Variants in MAPK8IP3 observed in about 807,000 individuals in gnomAD.
MAPK8IP3 encodes mitogen-activated protein kinase 8 interacting protein 3, also known as C-Jun-amino-terminal kinase-interacting protein 3.
MAPK8IP3 carries 49 observed loss-of-function variants against 157.8 expected under a neutral mutation model. That is an observed-to-expected ratio of 0.31 (90% CI 0.25 to 0.39). The LOEUF is 0.39. Ranked by LOEUF, MAPK8IP3 falls within the 10% of genes least tolerant of loss-of-function variation. The pLI is 1.00. For synonymous variants in MAPK8IP3, 897 were observed against 777.7 expected, an observed-to-expected ratio of 1.15 and a Z score of -2.55; for missense variants, 1,478 against 1,889.4, an observed-to-expected ratio of 0.78 and a Z score of 4.04.
Position 1,743,618 on chromosome 16 carries a change from A to T in MAPK8IP3, c.747+142A>T, listed in dbSNP as rs1596688128. 6 of 1,449,278 alleles carry T rather than the reference A, an allele frequency of 4.1e-6. No individual in the cohort carries two copies. Among genetic ancestry groups the T allele is most frequent in the Non-Finnish European group, 4.5e-6 (5 of 1,108,786 alleles). The allele number at this position is 1,449,278 out of a possible 1,614,324, so 89.8% of individuals were successfully genotyped here. ...TCTCCCTTCGTGTGTGGCAGGATGG[A>T]GAAACCCAGCCAGGGTGTCAGGGGC... On this transcript the variant is annotated intron_variant, in intron 5 of 31. Coordinates refer to ENST00000610761, the MANE Select transcript of MAPK8IP3 (RefSeq NM_001318852.2). The surrounding 1 kb of genome is among the most constrained non-coding windows in gnomAD (Gnocchi z 5.6).
rs1343121634 is a variant in MAPK8IP3 at position 1,743,232 on chromosome 16, C to T, written c.603-100C>T. 7.0e-6 allele frequency: 10 copies of T among 1,431,920 alleles called. No individual in the cohort carries two copies. The highest frequency in any genetic ancestry group is 2.8e-5 in the East Asian group (1 of 35,968). The allele number at this position is 1,431,920 out of a possible 1,614,324, so 88.7% of individuals were successfully genotyped here. A position where few individuals can be genotyped will look rare whatever the true frequency, so the allele number is the denominator to read the frequency against. On this transcript the variant is annotated intron_variant, in intron 4 of 31. Transcript: ENST00000610761. This position sits in a 1 kb window ranked among gnomAD's most constrained non-coding sequence, Gnocchi z 5.6. ...AGCTGGGCTGCTGGCTGGCATGGAG[C>T]GGCCCCATCACTCGAGGTCTGCTTG...
At chr16:1,730,839 T>A (rs2039266413) in intron 4 of MAPK8IP3, among the ~76,000 whole-genome samples, 7 of 71,638 alleles carry the variant, frequency 9.8e-5, no homozygotes, top group African/African-American at 2.4e-4. Context: ...TGAGACTCTG[T>A]CAAAAAAAAA....
chr16:1,715,524 G>C (rs2038089688), intron 1 of MAPK8IP3, among the ~76,000 whole-genome samples: 1 of 152,270 alleles, frequency 6.6e-6, no homozygotes, highest in Middle Eastern at 3.4e-3. Flanking sequence ...CTGTCTGCCT[G>C]CTTAAGATAA....
intron 1 of MAPK8IP3, among the ~76,000 whole-genome samples, chr16:1,715,844 G>A (rs1388161919): frequency 1.3e-5 from 2 of 151,746 alleles, no homozygotes; most frequent in African/African-American, 4.8e-5. Flanking sequence ...TTCTGCCTCA[G>A]CCTCCTGAGT....
At position 1,706,694 on chromosome 16, in the gene MAPK8IP3, C is replaced by G. The variant is rs1315114271; in HGVS notation, c.318+37C>G. On this transcript the variant is annotated intron_variant, in intron 1 of 31. Coordinates refer to ENST00000610761, the MANE Select transcript of MAPK8IP3 (RefSeq NM_001318852.2). This position sits in a 1 kb window ranked among gnomAD's most constrained non-coding sequence, Gnocchi z 5.1. The stretch of plus-strand genomic sequence containing the variant: ...GCGGGACCCGCCCGCATCCCCGTCC[C>G]GGACCCCCAGCCAGCCCCGGGCCCC... The G allele has an allele frequency of 2.7e-6, 4 of 1,503,778 alleles. No individual in the cohort carries two copies. The African/African-American group carries it at 4.2e-5, about 16-fold the overall frequency. The allele number at this position is 1,503,778 out of a possible 1,614,324, so 93.2% of individuals were successfully genotyped here.
intron 8 of MAPK8IP3, among the ~76,000 whole-genome samples, chr16:1,749,855 C>G (rs572348587): frequency 1.3e-5 from 2 of 152,296 alleles, no homozygotes; most frequent in East Asian, 3.9e-4. Flanking sequence ...CCAGCAGGGC[C>G]TCACCCTGAC....
chr16:1,723,103 G>C (rs1209331614), intron 1 of MAPK8IP3, among the ~76,000 whole-genome samples: 1 of 151,292 alleles, frequency 6.6e-6, no homozygotes, highest in African/African-American at 2.4e-5. Flanking sequence ...GGGGTGATCT[G>C]GGCTCACTGC....
chr16:1,748,860 G>GT (rs775251598), intron 8 of MAPK8IP3, 140 bp downstream of exon 8: 4 of 818,344 alleles, frequency 4.9e-6, no homozygotes, highest in Non-Finnish European at 8.5e-6. Context: ...GTTGAGTTGC[G>GT]TTTCACATGG....
chr16:1,758,647 G>A (rs1249068345), intron 9 of MAPK8IP3, among the ~76,000 whole-genome samples: 1 of 152,172 alleles, frequency 6.6e-6, no homozygotes, highest in Non-Finnish European at 1.5e-5. Flanking sequence ...CAGCCTCCAG[G>A]CACAGCCCAT....
intron 1 of MAPK8IP3, among the ~76,000 whole-genome samples, chr16:1,713,366 G>A (rs1417830808): frequency 6.6e-6 from 1 of 152,158 alleles, no homozygotes; most frequent in Non-Finnish European, 1.5e-5. Context: ...CTACAGGCTC[G>A]TGCCACCATG....
In MAPK8IP3 at chr16:1,706,763, C is replaced by T; in HGVS notation, c.318+106C>T. ...GACCCCAGACCCCGCTCCGGCACCC[C>T]GGACCGCGGGACCCCTGGACCCCCA... On this transcript the variant is annotated intron_variant, in intron 1 of 31. Transcript: ENST00000610761. This position sits in a 1 kb window ranked among gnomAD's most constrained non-coding sequence, Gnocchi z 5.1. The T allele has an allele frequency of 7.8e-7, 1 of 1,274,276 alleles. No homozygotes were observed. Among genetic ancestry groups the T allele is most frequent in the Non-Finnish European group, 1.0e-6 (1 of 960,930 alleles). The allele number at this position is 1,274,276 out of a possible 1,614,324, so 78.9% of individuals were successfully genotyped here.
At chr16:1,764,874 T>C in intron 19 of MAPK8IP3, 139 bp from the exon 20 acceptor site, 1 of 801,288 alleles carries the variant, frequency 1.2e-6, no homozygotes, top group South Asian at 1.8e-5. Flanking sequence ...ATTGTTCTGG[T>C]CCTGGGGGAG....
At chr16:1,750,283 G>A (rs1340702252) in intron 8 of MAPK8IP3, among the ~76,000 whole-genome samples, 1 of 152,048 alleles carries the variant, frequency 6.6e-6, no homozygotes, top group Admixed American at 6.6e-5. Flanking sequence ...CGCCATCTTG[G>A]CTCACTGCAA....
rs550901006 is a variant in MAPK8IP3 at position 1,741,984 on chromosome 16, C to A, written c.603-1348C>A. Among the ~76,000 whole-genome samples, 129 of 152,264 alleles carry A rather than the reference C, an allele frequency of 8.5e-4. 1 individual carries two copies. The highest frequency in any genetic ancestry group is 3.4e-3 in the Middle Eastern group (1 of 294). ...GGCGGCTGCTGCGTTCCCCTGTCGC[C>A]GTCTGCATCCTCCAGGCATGGCCAG... On this transcript the variant is annotated intron_variant, in intron 4 of 31. Transcript: ENST00000610761. This position sits in a 1 kb window ranked among gnomAD's most constrained non-coding sequence, Gnocchi z 6.9.
At chr16:1,718,796 AAAAG>A (rs1194690199) in intron 1 of MAPK8IP3, among the ~76,000 whole-genome samples, 2 of 152,058 alleles carry the variant, frequency 1.3e-5, no homozygotes, top group African/African-American at 2.4e-5. Flanking sequence ...AAAAAAAAAA[AAAAG>A]AATGTTCCAG....
chr16:1,710,080 A>T lies in MAPK8IP3; in HGVS notation c.318+3423A>T, dbSNP rs1318037084. Among the ~76,000 whole-genome samples, 1 of 152,142 alleles carries T rather than the reference A, an allele frequency of 6.6e-6. No individual in the cohort carries two copies. The highest frequency in any genetic ancestry group is 2.4e-5 in the African/African-American group (1 of 41,438). ...CCGAGTTAAATAAAAGTTACCGGCC[A>T]GGCGCAGCGACTCTCACATGTGTAA... On this transcript the variant is annotated intron_variant, in intron 1 of 31. Coordinates refer to ENST00000610761, the MANE Select transcript of MAPK8IP3 (RefSeq NM_001318852.2). This position sits in a 1 kb window ranked among gnomAD's most constrained non-coding sequence, Gnocchi z 4.1.
intron 8 of MAPK8IP3, among the ~76,000 whole-genome samples, chr16:1,753,222 C>T (rs988776912): frequency 6.6e-6 from 1 of 152,162 alleles, no homozygotes; most frequent in Non-Finnish European, 1.5e-5. Flanking sequence ...GAGCCCAGGT[C>T]GGGCATCTGT....
At chr16:1,719,669 A>C (rs958960939) in intron 1 of MAPK8IP3, among the ~76,000 whole-genome samples, 3 of 103,248 alleles carry the variant, frequency 2.9e-5, no homozygotes, top group African/African-American at 1.1e-4. Flanking sequence ...CCATCTCTAC[A>C]AAAAAAAAAA....
In MAPK8IP3 at chr16:1,751,779, G is replaced by T. The variant is rs890577627; in HGVS notation, c.1216+3059G>T. 7.2e-5 allele frequency: 11 copies of T among 152,180 alleles called. No homozygotes were observed. Among genetic ancestry groups the T allele is most frequent in the African/African-American group, 2.4e-4 (10 of 41,430 alleles). 9.4% of individuals were successfully genotyped at this position (152,180 alleles called of 1,614,324 possible). A position where few individuals can be genotyped will look rare whatever the true frequency, so the allele number is the denominator to read the frequency against. ...ATGCTCTGTCTCTGTAGATTTGCCTGTTCCAGACGTTTCACAGCAATGGGC... is the reference window on the plus strand; with the variant it reads ...ATGCTCTGTCTCTGTAGATTTGCCTTTTCCAGACGTTTCACAGCAATGGGC... On this transcript the variant is annotated intron_variant, in intron 8 of 31. Coordinates refer to ENST00000610761, the MANE Select transcript of MAPK8IP3 (RefSeq NM_001318852.2). The surrounding 1 kb of genome is among the most constrained non-coding windows in gnomAD (Gnocchi z 5.0).
Sources: gnomAD v4.1 joint callset for allele counts (sites outside exome capture counted in the v4.1 genomes callset) on GRCh38, gnomAD v4.1.1 for gene constraint, Gnocchi (gnomAD v3.1) non-coding constraint, MANE v1.5 for transcripts, NCBI Gene and HGNC (gene_info 2026-07-23, HGNC 2026-07-21) for gene names.